The following KATNIP variants were observed in gnomAD, a reference collection of about 807,000 sequenced individuals.
KATNIP encodes katanin interacting protein.
Under a neutral mutation model 174.0 loss-of-function variants are expected in KATNIP, and 126 were observed. The observed-to-expected ratio is 0.72, with a 90% CI of 0.63 to 0.84. The LOEUF (loss-of-function observed/expected upper bound fraction) is 0.84. Ranked by LOEUF, KATNIP falls within the 40% of genes least tolerant of loss-of-function variation. The pLI is 0.00. For synonymous variants in KATNIP, 810 were observed against 835.7 expected, an observed-to-expected ratio of 0.97 and a Z score of 0.53; for missense variants, 1,958 against 2,109.7, an observed-to-expected ratio of 0.93 and a Z score of 1.41.
intron 1 of KATNIP, among the ~76,000 whole-genome samples, chr16:27,566,958 T>G (rs1241173706): frequency 6.6e-6 from 1 of 152,144 alleles, no homozygotes; most frequent in Non-Finnish European, 1.5e-5. Flanking sequence ...AACTTTGCCC[T>G]CAAATAAATG....
chr16:27,753,806 CTCCCTTCCTTCTCTTCT>C (rs1187809263), intron 17 of KATNIP, among the ~76,000 whole-genome samples: 1 of 148,208 alleles, frequency 6.7e-6, no homozygotes, highest in African/African-American at 2.5e-5. Context: ...TCCTTCCTCT[CTCCCTTCCTTCTCTTCT>C]TCCCTTCCTC....
At chr16:27,677,662 T>C (rs1360101029) in intron 6 of KATNIP, 67 bp from the exon 7 acceptor site, 1 of 1,444,730 alleles carries the variant, frequency 6.9e-7, no homozygotes, top group Non-Finnish European at 9.4e-7. Flanking sequence ...TCAAATGATC[T>C]ATTTTCAAAT....
rs770573465 is a variant in KATNIP at position 27,740,450 on chromosome 16, C to G, written c.2153C>G (p.Ser718Cys). Reference protein sequence around the residue: ...MGDMPSAPATSPPVKCPPVHE... With the variant: ...MGDMPSAPATCPPVKCPPVHE... ...GACATGCCCAGTGCTCCTGCCACTT[C>G]CCCACCTGTGAAGTGCCCTCCTGTC... is the stretch of plus-strand genomic sequence containing the variant. The change falls in exon 15 of 28, where the codon TCC (serine) becomes TGC (cysteine). Residue 718 changes from serine (S) to cysteine (C), a missense_variant. Physicochemically the swap from Ser to Cys is moderately radical, Grantham distance 112. Around this residue, in one of 3 missense-constraint regions of KATNIP, gnomAD observed 1,557 missense variants for 1,617.8 expected, o/e 0.96. Coordinates refer to ENST00000261588, the MANE Select transcript of KATNIP (RefSeq NM_015202.5). The G allele has an allele frequency of 1.1e-5, 18 of 1,613,982 alleles. No homozygotes were observed. Among genetic ancestry groups the G allele is most frequent in the African/African-American group, 1.3e-5 (1 of 74,950 alleles).
At chr16:27,726,701 G>T (rs572362057) in intron 14 of KATNIP, among the ~76,000 whole-genome samples, 1 of 152,352 alleles carries the variant, frequency 6.6e-6, no homozygotes, top group Admixed American at 6.5e-5. Context: ...GGAGGAGGAG[G>T]CTGGGCTGCT....
At chr16:27,618,122 A>C (rs1289347957) in intron 2 of KATNIP, among the ~76,000 whole-genome samples, 1 of 152,196 alleles carries the variant, frequency 6.6e-6, no homozygotes, top group Non-Finnish European at 1.5e-5. Context: ...AGAAAACAGT[A>C]GAGCCCAAAT....
chr16:27,650,992 T>C (rs913715358), intron 6 of KATNIP, among the ~76,000 whole-genome samples: 4 of 152,182 alleles, frequency 2.6e-5, no homozygotes, highest in African/African-American at 9.7e-5. Context: ...TTTCTCTTAA[T>C]TGGGAGGCTG....
chr16:27,578,949 T>C lies in KATNIP; in HGVS notation c.63+4993T>C, dbSNP rs373376439. 9.8e-5 allele frequency among the ~76,000 whole-genome samples: 15 copies of C among 152,326 alleles called. No homozygotes were observed. In the East Asian group the frequency reaches 1.9e-3, roughly 20 times the overall value. On this transcript the variant is annotated intron_variant, in intron 2 of 27. Transcript: ENST00000261588. Reference sequence around the variant, plus strand: ...AGTCAGTAGGTAATTTCAGTTCAGCTGGTAAAAATATTCTTAGCCTCATTT... The same window carrying C: ...AGTCAGTAGGTAATTTCAGTTCAGCCGGTAAAAATATTCTTAGCCTCATTT...
chr16:27,757,192 C>A (rs749523305), intron 18 of KATNIP, among the ~76,000 whole-genome samples: 21 of 152,232 alleles, frequency 1.4e-4, no homozygotes, highest in Non-Finnish European at 2.6e-4. Flanking sequence ...TCACGAGATC[C>A]TCCCGCCTCA....
intron 15 of KATNIP, among the ~76,000 whole-genome samples, chr16:27,745,691 T>A (rs1597360124): frequency 6.6e-6 from 1 of 152,342 alleles, no homozygotes; most frequent in East Asian, 1.9e-4. Context: ...ATAGTCCTAT[T>A]CATCTCAATC....
At chr16:27,695,326 A>G (rs918101504) in intron 8 of KATNIP, among the ~76,000 whole-genome samples, 6 of 152,212 alleles carry the variant, frequency 3.9e-5, no homozygotes, top group Admixed American at 2.0e-4. Flanking sequence ...AAGGCCCTGC[A>G]TGACCTGCGC....
chr16:27,571,709 C>T (rs1230609648), intron 1 of KATNIP, among the ~76,000 whole-genome samples: 18 of 152,270 alleles, frequency 1.2e-4, no homozygotes, highest in Non-Finnish European at 1.3e-4. Flanking sequence ...GCTGCCAGGA[C>T]ACCCCAGTCT....
Position 27,769,896 on chromosome 16 carries a change from C to G in KATNIP, c.4011C>G (p.Cys1337Trp), listed in dbSNP as rs750590554. ...TCCACGTCTCCCTGGATGGCCTGTG[C>G]GTCTCCCCGCCAGAGGGCTTTCTCA... The part of the protein sequence containing the change: ...KIVHVSLDGL[C>W]VSPPEGFLIR... Residue 1337 changes from cysteine (C) to tryptophan (W), a missense_variant, in exon 21 of 28, where the codon TGC becomes TGG. Physicochemically the swap from Cys to Trp is radical, Grantham distance 215 (BLOSUM62 -2). Coordinates refer to ENST00000261588, the MANE Select transcript of KATNIP (RefSeq NM_015202.5). 35 of 1,614,056 alleles carry G rather than the reference C, an allele frequency of 2.2e-5. No homozygotes were observed. In the Admixed American group the frequency reaches 5.2e-4, roughly 24 times the overall value.
rs1049402546 is a variant in KATNIP, at chr16:27,776,851, A to G, written c.4450-77A>G. 1.2e-5 allele frequency: 13 copies of G among 1,069,460 alleles called. No individual in the cohort carries two copies. Among genetic ancestry groups the G allele is most frequent in the Non-Finnish European group, 1.9e-5 (13 of 690,754 alleles). 66.2% of individuals were successfully genotyped at this position (1,069,460 alleles called of 1,614,324 possible). The stretch of plus-strand genomic sequence containing the variant: ...TGGGCACCACCGCTCACCCCAGCCC[A>G]CGCCTGGCACCCCCAGCCCAGCCAA... On this transcript the variant is annotated intron_variant, in intron 24 of 27. Transcript: ENST00000261588. The surrounding 1 kb of genome is among the most constrained non-coding windows in gnomAD (Gnocchi z 4.7).
intron 9 of KATNIP, 35 bp from the exon 10 acceptor site, chr16:27,699,499 T>C: frequency 6.2e-7 from 1 of 1,613,258 alleles, no homozygotes; most frequent in Non-Finnish European, 8.5e-7. Context: ...AATGGCTTTG[T>C]TCCAACATCA....
rs1255976181 is a variant in KATNIP at position 27,712,851 on chromosome 16, G to T, written c.1605+3931G>T. ...GACAGGGTCTTGCTCTGTTGCCCAG[G>T]CTGGAGAGCAGTGGTGCAGTCATTG... On this transcript the variant is annotated intron_variant, in intron 13 of 27. Coordinates refer to ENST00000261588, the MANE Select transcript of KATNIP (RefSeq NM_015202.5). 5.9e-5 allele frequency among the ~76,000 whole-genome samples: 9 copies of T among 152,064 alleles called. No individual in the cohort carries two copies. In the East Asian group the frequency reaches 1.7e-3, roughly 29 times the overall value.
At chr16:27,757,381 G>A (rs1163406236) in intron 18 of KATNIP, 8 of 438,892 alleles carry the variant, frequency 1.8e-5, no homozygotes, top group African/African-American at 8.6e-5. Flanking sequence ...AGTGTGGACC[G>A]AGCACAGGGT....
chr16:27,591,478 G>C (rs910766537), intron 2 of KATNIP, among the ~76,000 whole-genome samples: 4 of 152,114 alleles, frequency 2.6e-5, no homozygotes, highest in Non-Finnish European at 4.4e-5. Flanking sequence ...ACCACGCCTG[G>C]CCGGAGTTGT....
At chr16:27,600,812 C>T (rs1036055970) in intron 2 of KATNIP, among the ~76,000 whole-genome samples, 1 of 151,892 alleles carries the variant, frequency 6.6e-6, no homozygotes, top group Non-Finnish European at 1.5e-5. Context: ...TTACCACAAC[C>T]TCCGCCTCCC....
intron 8 of KATNIP, among the ~76,000 whole-genome samples, chr16:27,693,924 C>T (rs2078829174): frequency 6.6e-6 from 1 of 152,156 alleles, no homozygotes; most frequent in East Asian, 1.9e-4. Flanking sequence ...GAAAAAAAAG[C>T]ATTTGGTAAC....
Sources: gnomAD v4.1 joint callset for allele counts (sites outside exome capture counted in the v4.1 genomes callset) on GRCh38, gnomAD v4.1.1 for gene constraint, gnomAD v4.1.1 regional missense constraint, Gnocchi (gnomAD v3.1) non-coding constraint, MANE v1.5 for transcripts, NCBI Gene and HGNC (gene_info 2026-07-23, HGNC 2026-07-21) for gene names.